Variants in MTHFD1L observed in about 807,000 individuals in gnomAD.
MTHFD1L encodes the protein monofunctional C1-tetrahydrofolate synthase, mitochondrial.
In MTHFD1L, 81 loss-of-function variants were observed where a neutral mutation model predicts 119.5. The ratio of observed to expected loss-of-function variants is 0.68; its 90% CI spans 0.57 to 0.82. The LOEUF (loss-of-function observed/expected upper bound fraction) is 0.82. MTHFD1L is among the 40% of genes least tolerant of loss of function. The pLI is 0.00. For missense variants in MTHFD1L, 1,125 were observed against 1,253.4 expected (o/e 0.90, Z 1.55); for synonymous variants, 430 against 475.2 (o/e 0.90, Z 1.24).
At chr6:151,078,052 CA>C (rs71014538) in intron 26 of MTHFD1L, among the ~76,000 whole-genome samples, 5,156 of 59,736 alleles carry the variant, frequency 0.086, 230 homozygotes, top group African/African-American at 0.27. Flanking sequence ...GACTCTGTCT[CA>C]AAAAAAAAAA....
At chr6:151,088,623 A>ATTTTTTTTTT (rs71014539) in intron 26 of MTHFD1L, among the ~76,000 whole-genome samples, 18 of 128,612 alleles carry the variant, frequency 1.4e-4, no homozygotes, top group East Asian at 2.3e-4. Flanking sequence ...CACCCAGCTA[A>ATTTTTTTTTT]TTTTTTTTTT....
rs1253723013 is a variant in MTHFD1L at position 150,865,985 on chromosome 6, G to A, written c.163G>A (p.Gly55Ser). 4 of 1,303,574 alleles carry A rather than the reference G, an allele frequency of 3.1e-6. No homozygotes were observed. The highest frequency in any genetic ancestry group is 4.7e-5 in the South Asian group (2 of 42,674). The allele number at this position is 1,303,574 out of a possible 1,614,324, so 80.8% of individuals were successfully genotyped here. A position where few individuals can be genotyped will look rare whatever the true frequency, so the allele number is the denominator to read the frequency against. The change falls in exon 1 of 28, where the codon GGC becomes AGC. Residue 55 changes from glycine to serine, a missense_variant. Physicochemically the swap from Gly to Ser is moderately conservative, Grantham distance 56. Coordinates refer to ENST00000367321, the MANE Select transcript of MTHFD1L (RefSeq NM_015440.5). ...GLLGQRRPQD[G>S]QARSSCSPGG... ...GCTTGGACAGCGGCGGCCGCAGGAT[G>A]GCCAGGCCCGGAGCAGCTGCAGCCC...
At chr6:150,903,843 A>G (rs372735019) in intron 7 of MTHFD1L, among the ~76,000 whole-genome samples, 15 of 152,382 alleles carry the variant, frequency 9.8e-5, no homozygotes, top group African/African-American at 3.6e-4. Context: ...TTATTAATGG[A>G]TAATCAATCA....
chr6:150,979,021 C>T (rs1443424934), intron 20 of MTHFD1L, among the ~76,000 whole-genome samples: 1 of 152,158 alleles, frequency 6.6e-6, no homozygotes, highest in Non-Finnish European at 1.5e-5. Flanking sequence ...GGGTGGATCA[C>T]TTGAGGTCAG....
chr6:150,998,963 T>G (rs1489315752), intron 20 of MTHFD1L, among the ~76,000 whole-genome samples: 1 of 145,490 alleles, frequency 6.9e-6, no homozygotes, highest in East Asian at 2.0e-4. Flanking sequence ...CACTCCAGCC[T>G]GGGCAAACAG....
At chr6:150,923,039 A>G (rs1291917037) in intron 10 of MTHFD1L, among the ~76,000 whole-genome samples, 1 of 152,188 alleles carries the variant, frequency 6.6e-6, no homozygotes, top group Non-Finnish European at 1.5e-5. Context: ...TTTCAATGTC[A>G]GAAATGCCCA....
intron 26 of MTHFD1L, among the ~76,000 whole-genome samples, chr6:151,045,854 G>A (rs6941255): frequency 0.37 from 56,864 of 152,038 alleles, 11,869 homozygotes; most frequent in South Asian, 0.61. Flanking sequence ...TATTGTGGCC[G>A]TGCCTTCCTC....
intron 6 of MTHFD1L, 104 bp downstream of exon 6, chr6:150,885,838 T>C (rs1782154728): frequency 1.3e-6 from 1 of 793,766 alleles, no homozygotes. Context: ...TTTTAAATTA[T>C]TATTCTGATA....
At chr6:151,020,152 T>C (rs935950566) in intron 24 of MTHFD1L, among the ~76,000 whole-genome samples, 3 of 152,236 alleles carry the variant, frequency 2.0e-5, no homozygotes, top group African/African-American at 7.2e-5. Flanking sequence ...ACAAGACTAA[T>C]GGCATCTTGT....
intron 19 of MTHFD1L, among the ~76,000 whole-genome samples, chr6:150,965,492 C>T (rs1357691694): frequency 6.6e-6 from 1 of 151,988 alleles, no homozygotes; most frequent in Non-Finnish European, 1.5e-5. Context: ...AACCCCATCT[C>T]TACTAAAAAT....
chr6:150,865,818 G>A lies in MTHFD1L; in HGVS notation c.-5G>A, dbSNP rs1411724072. ...GTGTCCCCTGAGAACCAGCCGTCCC[G>A]CGCCATGGGCACGCGTCTGCCGCTC... On this transcript the variant is annotated 5_prime_UTR_variant, in exon 1 of 28. Transcript: ENST00000367321. 2.3e-6 allele frequency: 3 copies of A among 1,284,430 alleles called. No individual in the cohort carries two copies. Among genetic ancestry groups the A allele is most frequent in the East Asian group, 4.2e-5 (1 of 23,888 alleles). The allele number at this position is 1,284,430 out of a possible 1,614,324, so 79.6% of individuals were successfully genotyped here.
chr6:151,067,207 T>A (rs150326081), intron 26 of MTHFD1L, among the ~76,000 whole-genome samples: 1 of 152,234 alleles, frequency 6.6e-6, no homozygotes, highest in East Asian at 1.9e-4. Flanking sequence ...TTGGTCAGGC[T>A]GGTCTTGAAC....
intron 20 of MTHFD1L, among the ~76,000 whole-genome samples, chr6:150,992,084 A>T (rs994060825): frequency 6.6e-6 from 1 of 152,096 alleles, no homozygotes; most frequent in Non-Finnish European, 1.5e-5. Flanking sequence ...TTTCTTTCCA[A>T]CCCCCCATCA....
chr6:150,918,590 T>C lies in MTHFD1L; in HGVS notation c.906T>C (p.Cys302=), dbSNP rs749769567. ...AATTTTTTACAGGGAAGGTTGGGTG[T>C]GGCTCTCCAAGAATACATTTTGGTG... ...SHDFLSGKVG[C]GSPRIHFGGL... Residue 302 remains cysteine, a synonymous_variant, in exon 9 of 28, where the codon TGT becomes TGC. Transcript: ENST00000367321. The C allele has an allele frequency of 6.2e-7, 1 of 1,613,892 alleles. No individual in the cohort carries two copies. Among genetic ancestry groups the C allele is most frequent in the South Asian group, 1.1e-5 (1 of 91,064 alleles).
At chr6:151,022,689 T>G (rs1784106030) in intron 24 of MTHFD1L, among the ~76,000 whole-genome samples, 1 of 152,182 alleles carries the variant, frequency 6.6e-6, no homozygotes, top group Non-Finnish European at 1.5e-5. Context: ...CCCTCCCATC[T>G]TCAGACACGC....
intron 8 of MTHFD1L, 40 bp from the exon 9 acceptor site, chr6:150,918,537 G>T: frequency 7.4e-7 from 1 of 1,346,990 alleles, no homozygotes; most frequent in South Asian, 1.2e-5. Context: ...AGAAATGACA[G>T]TGTACTGAAA....
intron 26 of MTHFD1L, among the ~76,000 whole-genome samples, chr6:151,086,069 G>T (rs1024661258): frequency 6.6e-6 from 1 of 152,124 alleles, no homozygotes; most frequent in African/African-American, 2.4e-5. Flanking sequence ...CTGTAGGGTT[G>T]ATCAGCCACC....
chr6:151,082,362 C>G (rs56135574), intron 26 of MTHFD1L, among the ~76,000 whole-genome samples: 41,707 of 152,052 alleles, frequency 0.27, 5,886 homozygotes, highest in South Asian at 0.44. Context: ...GAAACTTTCT[C>G]TCTTACAGCC....
At chr6:150,885,396 A>G (rs2128767824) in intron 5 of MTHFD1L, among the ~76,000 whole-genome samples, 1 of 152,192 alleles carries the variant, frequency 6.6e-6, no homozygotes, top group Non-Finnish European at 1.5e-5. Flanking sequence ...AGGTTTCGCC[A>G]TGTTGGCCAG....
Sources: allele counts gnomAD v4.1 joint callset (sites outside exome capture counted in the v4.1 genomes callset), GRCh38; gene constraint gnomAD v4.1.1; transcripts MANE v1.5; gene names NCBI Gene and HGNC (gene_info 2026-07-23, HGNC 2026-07-21).